Variants in DEPDC5 observed in about 807,000 individuals in gnomAD.
DEPDC5 encodes the protein GATOR1 complex protein DEPDC5.
In DEPDC5, 73 loss-of-function variants were observed where a neutral mutation model predicts 217.3. That is an observed-to-expected ratio of 0.34 (90% CI 0.28 to 0.41). The LOEUF is 0.41. Ranked by LOEUF, DEPDC5 falls within the 10% of genes least tolerant of loss-of-function variation. DEPDC5 has a pLI of 1.00. For synonymous variants in DEPDC5, 733 were observed against 756.7 expected, an observed-to-expected ratio of 0.97 and a Z score of 0.51; for missense variants, 1,675 against 2,070.1, an observed-to-expected ratio of 0.81 and a Z score of 3.70.
chr22:31,778,244 C>T lies in DEPDC5; in HGVS notation c.483+76C>T, dbSNP rs548056242. ...CTAAGTCCTAAAATCAAAAATAAAACAAGGGCGGGGCAGGACACCAAGGTG... is the reference window on the plus strand; with the variant it reads ...CTAAGTCCTAAAATCAAAAATAAAATAAGGGCGGGGCAGGACACCAAGGTG... On this transcript the variant is annotated intron_variant, in intron 8 of 42. Transcript: ENST00000651528. 5 of 1,467,104 alleles carry T rather than the reference C, an allele frequency of 3.4e-6. No individual in the cohort carries two copies. The Admixed American group carries it at 6.7e-5, about 20-fold the overall frequency. 90.9% of individuals were successfully genotyped at this position (1,467,104 alleles called of 1,614,324 possible).
intron 22 of DEPDC5, 31 bp downstream of exon 22, chr22:31,819,256 A>G: frequency 6.2e-7 from 1 of 1,609,808 alleles, no homozygotes. Context: ...AGAGCCTTGG[A>G]CTAGGAGCTC....
chr22:31,879,043 A>AAAAAT (rs763615141), intron 37 of DEPDC5, among the ~76,000 whole-genome samples: 1 of 119,470 alleles, frequency 8.4e-6, no homozygotes, highest in East Asian at 2.4e-4. Flanking sequence ...AAAAAAAAAA[A>AAAAAT]ATATATATAT....
At chr22:31,876,344 T>G (rs2092992380) in intron 37 of DEPDC5, 79 bp downstream of exon 37, 2 of 1,068,236 alleles carry the variant, frequency 1.9e-6, no homozygotes, top group South Asian at 2.6e-5. Flanking sequence ...TGATGGTGCT[T>G]CCTGAGCTGC....
chr22:31,862,268 A>G (rs1327618491), intron 33 of DEPDC5, among the ~76,000 whole-genome samples: 1 of 150,660 alleles, frequency 6.6e-6, no homozygotes, highest in African/African-American at 2.4e-5. Flanking sequence ...AAATAAAAAT[A>G]AAAGATTTGG....
At chr22:31,815,777 C>A in intron 21 of DEPDC5, 1 of 1,226,410 alleles carries the variant, frequency 8.2e-7, no homozygotes, top group Non-Finnish European at 1.0e-6. Context: ...GGGATCCACC[C>A]ATTGGCCTCC....
At chr22:31,798,508 G>A (rs971651009) in intron 13 of DEPDC5, 74 bp from the exon 14 acceptor site, 3 of 1,349,506 alleles carry the variant, frequency 2.2e-6, no homozygotes. Flanking sequence ...ACACAGCAAG[G>A]CTTCGTTTAA....
chr22:31,877,436 CAAAAAAAAAAAAAA>C (rs71184527), intron 37 of DEPDC5, among the ~76,000 whole-genome samples: 1,949 of 21,024 alleles, frequency 0.093, 91 homozygotes, highest in African/African-American at 0.25. Flanking sequence ...GACTCCATCT[CAAAAAAAAAAAAAA>C]AAAAAAAAAA....
At chr22:31,790,091 C>T (rs1407116982) in intron 10 of DEPDC5, among the ~76,000 whole-genome samples, 1 of 152,098 alleles carries the variant, frequency 6.6e-6, no homozygotes, top group Non-Finnish European at 1.5e-5. Context: ...GATAAGGGTG[C>T]TGATTTTGGA....
chr22:31,798,960 A>G (rs1281838226), intron 14 of DEPDC5, among the ~76,000 whole-genome samples: 1 of 152,144 alleles, frequency 6.6e-6, no homozygotes, highest in Admixed American at 6.6e-5. Context: ...GCTCTGCCGC[A>G]AGCACTCATG....
intron 23 of DEPDC5, 25 bp from the exon 24 acceptor site, chr22:31,822,668 G>A (rs766157777): frequency 1.2e-6 from 2 of 1,612,356 alleles, no homozygotes; most frequent in South Asian, 2.2e-5. Flanking sequence ...CATTAAGCCA[G>A]GTGGCTGGGC....
rs565660656 is a variant in DEPDC5, at chr22:31,770,199, C to T, written c.413+1336C>T. 5.9e-5 allele frequency among the ~76,000 whole-genome samples: 9 copies of T among 151,270 alleles called. No homozygotes were observed. The South Asian group carries it at 1.5e-3, about 25-fold the overall frequency. On this transcript the variant is annotated intron_variant, in intron 7 of 42. Coordinates refer to ENST00000651528, the MANE Select transcript of DEPDC5 (RefSeq NM_001242896.3). ...GCAGTGAGACATTATCATGCCACTG[C>T]ACTGCAGCCTGGGTGACAGAGTGAG...
Position 31,804,894 on chromosome 22 carries a change from T to C in DEPDC5, c.1196T>C (p.Ile399Thr). The change falls in exon 17 of 43, where the codon ATC becomes ACC. Residue 399 changes from isoleucine to threonine, a missense_variant. By Grantham distance (89) the Ile-to-Thr change is moderately conservative. Coordinates refer to ENST00000651528, the MANE Select transcript of DEPDC5 (RefSeq NM_001242896.3). ...TCTCGTCTGGGCGATGACTATAATA[T>C]CCCTCACTGGATAAACCACAGGTGG... ...RDSRLGDDYNIPHWINHSFYT... is the reference protein window; with the variant it reads ...RDSRLGDDYNTPHWINHSFYT... 1 of 1,613,918 alleles carries C rather than the reference T, an allele frequency of 6.2e-7. No homozygotes were observed. The highest frequency in any genetic ancestry group is 8.5e-7 in the Non-Finnish European group (1 of 1,179,830).
At position 31,834,199 on chromosome 22, in the gene DEPDC5, G is replaced by A. The variant is rs9621346; in HGVS notation, c.2170+219G>A. The A allele has an allele frequency of 0.16, 90,411 of 567,782 alleles. 8,457 individuals are homozygous for A. Among genetic ancestry groups the A allele is most frequent in the African/African-American group, 0.27 (14,899 of 54,294 alleles). The allele number at this position is 567,782 out of a possible 1,614,324, so 35.2% of individuals were successfully genotyped here. On this transcript the variant is annotated intron_variant, in intron 25 of 42. Coordinates refer to ENST00000651528, the MANE Select transcript of DEPDC5 (RefSeq NM_001242896.3). The stretch of plus-strand genomic sequence containing the variant: ...ATGACCTGTTTTGGAAGGTGATTCA[G>A]GGGCACCTGGGAAAGGTAGCAGATT...
intron 7 of DEPDC5, among the ~76,000 whole-genome samples, chr22:31,771,957 T>C (rs901398037): frequency 4.0e-5 from 6 of 151,874 alleles, no homozygotes; most frequent in Non-Finnish European, 7.4e-5. Flanking sequence ...CCCAGTTACT[T>C]GGGAGGCTGA....
At chr22:31,810,673 T>A in intron 20 of DEPDC5, 32 bp downstream of exon 20, 1 of 1,611,746 alleles carries the variant, frequency 6.2e-7, no homozygotes, top group Non-Finnish European at 8.5e-7. Context: ...GGGGTGCATA[T>A]AAAAATTGTG....
chr22:31,771,342 T>C lies in DEPDC5; in HGVS notation c.413+2479T>C, dbSNP rs150938643. Among the ~76,000 whole-genome samples, 1,410 of 152,214 alleles carry C rather than the reference T, an allele frequency of 9.3e-3. 30 individuals carry two copies. Among genetic ancestry groups the C allele is most frequent in the African/African-American group, 0.032 (1,348 of 41,514 alleles). Reference sequence around the variant, plus strand: ...TTGAAACTTGTTGTGGGGAGCCAGGTAAAATGGCTATGGCGTGAGGATCAC... The same window carrying C: ...TTGAAACTTGTTGTGGGGAGCCAGGCAAAATGGCTATGGCGTGAGGATCAC... On this transcript the variant is annotated intron_variant, in intron 7 of 42. Coordinates refer to ENST00000651528, the MANE Select transcript of DEPDC5 (RefSeq NM_001242896.3).
At position 31,819,109 on chromosome 22, in the gene DEPDC5, A is replaced by G. The variant is rs1400872067; in HGVS notation, c.1754A>G (p.His585Arg). Reference sequence around the variant, plus strand: ...GTTGGCAGTGCAGAATCCATGCTGCATGTTCGACCTGGTGGATACACGCCC... The same window carrying G: ...GTTGGCAGTGCAGAATCCATGCTGCGTGTTCGACCTGGTGGATACACGCCC... ...FHVGSAESML[H>R]VRPGGYTPQR... Residue 585 changes from histidine (H) to arginine (R), a missense_variant, in exon 22 of 43, where the codon CAT (histidine) becomes CGT (arginine). This residue lies in a region of DEPDC5 where 628 missense variants were observed against 762.1 expected (regional missense o/e 0.82). Coordinates refer to ENST00000651528, the MANE Select transcript of DEPDC5 (RefSeq NM_001242896.3). 1.9e-6 allele frequency: 3 copies of G among 1,614,074 alleles called. No individual in the cohort carries two copies. Among genetic ancestry groups the G allele is most frequent in the Non-Finnish European group, 2.5e-6 (3 of 1,180,036 alleles).
At chr22:31,855,624 T>C (rs112699334) in intron 31 of DEPDC5, among the ~76,000 whole-genome samples, 3,360 of 151,592 alleles carry the variant, frequency 0.022, 40 homozygotes, top group Middle Eastern at 0.035. Flanking sequence ...GTGATCCGCC[T>C]GCCTCGGCCT....
At chr22:31,885,317 C>T (rs932584225) in intron 38 of DEPDC5, among the ~76,000 whole-genome samples, 13 of 152,222 alleles carry the variant, frequency 8.5e-5, no homozygotes, top group African/African-American at 3.1e-4. Flanking sequence ...TGTCTGGTGT[C>T]CGTGAACACG....
Sources: allele counts gnomAD v4.1 joint callset (sites outside exome capture counted in the v4.1 genomes callset), GRCh38; gene constraint gnomAD v4.1.1; regional missense constraint gnomAD v4.1.1; transcripts MANE v1.5; gene names NCBI Gene and HGNC (gene_info 2026-07-23, HGNC 2026-07-21).